MIA2: variants seen among roughly 807,000 people sequenced by gnomAD.
The protein encoded by MIA2 is MIA SH3 domain ER export factor 2.
In MIA2, 127 loss-of-function variants were observed where a neutral mutation model predicts 167.8. The observed-to-expected ratio is 0.76, with a 90% CI of 0.66 to 0.88. MIA2 has a LOEUF of 0.88. MIA2 is among the 40% of genes least tolerant of loss of function. The probability of loss-of-function intolerance (pLI) is 0.00; values close to 1 mark genes in which losing one functional copy is unlikely to be tolerated. For synonymous variants in MIA2, 552 were observed against 541.9 expected (o/e 1.02, Z -0.26); for missense variants, 1,690 against 1,624.7 (o/e 1.04, Z -0.69).
intron 23 of MIA2, among the ~76,000 whole-genome samples, chr14:39,375,074 G>A (rs1299208944): frequency 6.6e-6 from 1 of 151,096 alleles, no homozygotes. Context: ...AAGGAAATGT[G>A]TAATCAGGAA....
chr14:39,271,961 T>C (rs2057238267), intron 6 of MIA2, among the ~76,000 whole-genome samples: 1 of 152,136 alleles, frequency 6.6e-6, no homozygotes, highest in African/African-American at 2.4e-5. Context: ...TGCGGCCTTT[T>C]GTGGACTCAG....
intron 23 of MIA2, among the ~76,000 whole-genome samples, chr14:39,362,497 G>A (rs2074705624): frequency 6.6e-6 from 1 of 152,096 alleles, no homozygotes; most frequent in Non-Finnish European, 1.5e-5. Context: ...AGCCTCTGAC[G>A]ATCTTTTATA....
intron 13 of MIA2, among the ~76,000 whole-genome samples, chr14:39,296,528 G>A (rs2061437801): frequency 6.6e-6 from 1 of 150,904 alleles, no homozygotes; most frequent in African/African-American, 2.4e-5. Flanking sequence ...TGATCCACCC[G>A]CCTCGGCCTC....
At chr14:39,278,635 T>C (rs1048712771) in intron 7 of MIA2, among the ~76,000 whole-genome samples, 8 of 152,340 alleles carry the variant, frequency 5.3e-5, no homozygotes, top group Middle Eastern at 3.4e-3. Flanking sequence ...ACTGTTTCTT[T>C]AGTCAGTTCA....
chr14:39,304,332 A>C lies in MIA2; in HGVS notation c.2829A>C (p.Gln943His). Residue 943 changes from glutamine (Q) to histidine (H), a missense_variant, in exon 17 of 29, where the codon CAA becomes CAC. Coordinates refer to ENST00000640607, the MANE Select transcript of MIA2 (RefSeq NM_001329214.4). ...AAACCTTAGAAGGAGAAAGAAACCA[A>C]ATTTATATTCAGTTGTCTGAAGTTG... is the stretch of plus-strand genomic sequence containing the variant. ...SLKTLEGERN[Q>H]IYIQLSEVDK... 1 of 1,578,790 alleles carries C rather than the reference A, an allele frequency of 6.3e-7. No homozygotes were observed. Among genetic ancestry groups the C allele is most frequent in the Non-Finnish European group, 8.6e-7 (1 of 1,161,574 alleles).
chr14:39,277,687 TG>T (rs1340746016), intron 7 of MIA2, among the ~76,000 whole-genome samples: 25,830 of 35,336 alleles, frequency 0.73, 9,694 homozygotes, highest in East Asian at 0.84. Flanking sequence ...TATATATATA[TG>T]TGTGTATATA....
chr14:39,267,216 G>A, intron 6 of MIA2: 1 of 1,346,090 alleles, frequency 7.4e-7, no homozygotes, highest in Non-Finnish European at 9.6e-7. Flanking sequence ...TGCGGGTCGG[G>A]CTCGGACCTG....
At chr14:39,292,645 T>C in intron 10 of MIA2, 3 of 299,060 alleles carry the variant, frequency 1.0e-5, no homozygotes, top group South Asian at 8.4e-5. Flanking sequence ...TGCATTAAAA[T>C]CTTTGAATCT....
rs1299701740 is a variant in MIA2, at chr14:39,318,008, A to C, written c.3281A>C (p.Gln1094Pro). 6.3e-7 allele frequency: 1 copy of C among 1,575,912 alleles called. No individual in the cohort carries two copies. The highest frequency in any genetic ancestry group is 8.6e-7 in the Non-Finnish European group (1 of 1,164,504). The stretch of plus-strand genomic sequence containing the variant: ...AGGAAAGAAAATGCTCACAACAGAC[A>C]AAAGTAAGTATCTTAGTGGGAACAT... ...DLRKENAHNR[Q>P]KLTETELKFE... Residue 1094 changes from glutamine (Q) to proline (P), a missense_variant, in exon 22 of 29, where the codon CAA becomes CCA. Coordinates refer to ENST00000640607, the MANE Select transcript of MIA2 (RefSeq NM_001329214.4).
chr14:39,357,139 G>A (rs890579600), intron 23 of MIA2, among the ~76,000 whole-genome samples: 14 of 151,708 alleles, frequency 9.2e-5, no homozygotes, highest in African/African-American at 3.2e-4. Context: ...TCTGTCTAAT[G>A]TTGACAATGG....
downstream of MIA2, among the ~76,000 whole-genome samples, chr14:39,355,396 T>G (rs947918761): frequency 2.0e-5 from 3 of 152,330 alleles, no homozygotes; most frequent in African/African-American, 7.2e-5. Flanking sequence ...TTTTGCACAT[T>G]GATTTTGTAT....
rs770486195 is a variant in MIA2, at chr14:39,276,925, A to G, written c.1888-9A>G. On this transcript the variant is annotated splice_polypyrimidine_tract_variant and intron_variant, in intron 6 of 28. Coordinates refer to ENST00000640607, the MANE Select transcript of MIA2 (RefSeq NM_001329214.4). The stretch of plus-strand genomic sequence containing the variant: ...CATTTTTAAGAACTTACTTTTCTTT[A>G]TCTTGAAGGTTGTGGCAGCACTGCC... 1.2e-6 allele frequency: 2 copies of G among 1,606,262 alleles called. No homozygotes were observed. Among genetic ancestry groups the G allele is most frequent in the East Asian group, 2.2e-5 (1 of 44,818 alleles).
chr14:39,377,434 A>G (rs949353365), intron 23 of MIA2, among the ~76,000 whole-genome samples: 2 of 152,218 alleles, frequency 1.3e-5, no homozygotes, highest in African/African-American at 4.8e-5. Context: ...ATTTCAAATC[A>G]GGAAAAATGG....
intron 7 of MIA2, 107 bp downstream of exon 7, chr14:39,277,172 T>C: frequency 1.4e-6 from 2 of 1,393,974 alleles, no homozygotes; most frequent in Non-Finnish European, 1.9e-6. Context: ...AGAAACTACA[T>C]AGGGATTCAG....
chr14:39,302,171 A>C lies in MIA2; in HGVS notation c.2662A>C (p.Met888Leu). ...RLLKMKDWAAMLGEDITDDDN... is the reference protein window; with the variant it reads ...RLLKMKDWAALLGEDITDDDN... ...GTTAAAGATGAAAGATTGGGCTGCT[A>C]TGCTTGGAGAAGACATAACGGATGA... The change falls in exon 15 of 29, where the codon ATG becomes CTG. Residue 888 changes from methionine (M) to leucine (L), a missense_variant. Physicochemically the swap from Met to Leu is conservative, Grantham distance 15. Transcript: ENST00000640607. 3 of 1,613,864 alleles carry C rather than the reference A, an allele frequency of 1.9e-6. No homozygotes were observed. The highest frequency in any genetic ancestry group is 2.2e-5 in the East Asian group (1 of 44,856).
chr14:39,364,183 C>T (rs1025033682), intron 23 of MIA2, among the ~76,000 whole-genome samples: 2 of 152,040 alleles, frequency 1.3e-5, no homozygotes. Flanking sequence ...CATGGTGAAA[C>T]CCTGTCTCTA....
Position 39,303,531 on chromosome 14 carries a change from G to A in MIA2, c.2787+7G>A. ...ACTGATTCATGCTGCTAAGGTTTGT[G>A]CTATTAGATACTTAAAAAGAATAAG... On this transcript the variant is annotated splice_region_variant and intron_variant, in intron 16 of 28. Coordinates refer to ENST00000640607, the MANE Select transcript of MIA2 (RefSeq NM_001329214.4). 1.9e-6 allele frequency: 3 copies of A among 1,601,646 alleles called. No individual in the cohort carries two copies. Among genetic ancestry groups the A allele is most frequent in the Non-Finnish European group, 2.6e-6 (3 of 1,170,622 alleles).
intron 3 of MIA2, among the ~76,000 whole-genome samples, chr14:39,246,690 A>C (rs1393554183): frequency 6.6e-6 from 1 of 152,168 alleles, no homozygotes; most frequent in Non-Finnish European, 1.5e-5. Context: ...GTCTCTAAAA[A>C]CAAACAAAGA....
chr14:39,314,726 T>C lies in MIA2; in HGVS notation c.3120-13T>C, dbSNP rs1258322398. On this transcript the variant is annotated splice_polypyrimidine_tract_variant and intron_variant, in intron 19 of 28. Coordinates refer to ENST00000640607, the MANE Select transcript of MIA2 (RefSeq NM_001329214.4). ...TATATGTTAATAGTAGAATAATTAT[T>C]CGTTCCATTTAGAAAGCGAGCCAAA... The C allele has an allele frequency of 5.0e-6, 8 of 1,602,500 alleles. No homozygotes were observed. The highest frequency in any genetic ancestry group is 6.8e-6 in the Non-Finnish European group (8 of 1,172,258).
Sources: allele counts gnomAD v4.1 joint callset (sites outside exome capture counted in the v4.1 genomes callset), GRCh38; gene constraint gnomAD v4.1.1; transcripts MANE v1.5; gene names NCBI Gene and HGNC (gene_info 2026-07-23, HGNC 2026-07-21).